The following ADAMTSL1 variants were observed in gnomAD, a reference collection of about 807,000 sequenced individuals.
The protein encoded by ADAMTSL1 is ADAMTS-like protein 1.
A neutral mutation model predicts 201.8 loss-of-function variants in ADAMTSL1; 126 were observed. The observed-to-expected ratio is 0.62, with a 90% confidence interval of 0.54 to 0.72. ADAMTSL1 has a LOEUF of 0.72. ADAMTSL1 is among the 30% of genes least tolerant of loss of function. The pLI, the probability that ADAMTSL1 is intolerant of heterozygous loss-of-function variation, is 0.00. For missense variants in ADAMTSL1, 2,679 were observed against 2,277.8 expected, an observed-to-expected ratio of 1.18 and a Z score of -3.59; for synonymous variants, 1,121 against 903.4, an observed-to-expected ratio of 1.24 and a Z score of -4.32.
chr9:18,262,508 A>G (rs888494758), intron 2 of ADAMTSL1, among the ~76,000 whole-genome samples: 6 of 152,222 alleles, frequency 3.9e-5, no homozygotes, highest in African/African-American at 1.2e-4. Context: ...TTCAGGGGAT[A>G]GAGTACCACT....
chr9:18,036,920 C>T (rs1821224513), intron 1 of ADAMTSL1, among the ~76,000 whole-genome samples: 1 of 152,180 alleles, frequency 6.6e-6, no homozygotes, highest in Admixed American at 6.5e-5. Context: ...ACCCTACCCT[C>T]ACTATTACAT....
At chr9:17,989,480 A>G (rs772067963) in intron 1 of ADAMTSL1, among the ~76,000 whole-genome samples, 36 of 152,130 alleles carry the variant, frequency 2.4e-4, no homozygotes, top group African/African-American at 7.7e-4. Flanking sequence ...AAAAAAATCA[A>G]TTAGAAAGTC....
At chr9:18,582,995 G>A (rs1336317458) in intron 4 of ADAMTSL1, among the ~76,000 whole-genome samples, 1 of 152,138 alleles carries the variant, frequency 6.6e-6, no homozygotes, top group African/African-American at 2.4e-5. Context: ...TGATTGTGAG[G>A]CTGCCCCAGC....
intron 13 of ADAMTSL1, among the ~76,000 whole-genome samples, chr9:18,700,378 A>C (rs566524187): frequency 6.6e-6 from 1 of 152,144 alleles, no homozygotes; most frequent in African/African-American, 2.4e-5. Flanking sequence ...TTCTCATCTC[A>C]TGTAAAAATG....
intron 1 of ADAMTSL1, among the ~76,000 whole-genome samples, chr9:17,955,917 G>C (rs1462105501): frequency 6.6e-6 from 1 of 152,126 alleles, no homozygotes; most frequent in Admixed American, 6.5e-5. Context: ...TGTGTAATAT[G>C]TTTTGAGCTT....
chr9:18,492,538 C>A (rs533378831), intron 1 of ADAMTSL1, among the ~76,000 whole-genome samples: 1 of 152,138 alleles, frequency 6.6e-6, no homozygotes, highest in Non-Finnish European at 1.5e-5. Context: ...CAAAACAATT[C>A]TTAGGACTGA....
chr9:18,263,229 T>C (rs7860810), intron 2 of ADAMTSL1, among the ~76,000 whole-genome samples: 3 of 152,212 alleles, frequency 2.0e-5, no homozygotes, highest in African/African-American at 7.2e-5. Flanking sequence ...GGAGCAATGA[T>C]GTATTTAGTG....
At chr9:18,596,541 G>A (rs904270223) in intron 4 of ADAMTSL1, among the ~76,000 whole-genome samples, 8 of 152,050 alleles carry the variant, frequency 5.3e-5, no homozygotes, top group Non-Finnish European at 7.4e-5. Context: ...TTACAGGTGC[G>A]CACCACCACA....
At chr9:18,272,999 G>A (rs1832440131) in intron 2 of ADAMTSL1, among the ~76,000 whole-genome samples, 1 of 152,172 alleles carries the variant, frequency 6.6e-6, no homozygotes, top group Admixed American at 6.5e-5. Flanking sequence ...ATAATAAAAT[G>A]TTTTAAGTAA....
chr9:17,997,576 T>G (rs1190614784), intron 1 of ADAMTSL1, among the ~76,000 whole-genome samples: 2 of 152,110 alleles, frequency 1.3e-5, no homozygotes, highest in Non-Finnish European at 1.5e-5. Context: ...TATGTGAAAA[T>G]AAAAATATTT....
chr9:18,193,317 T>C (rs1587278959), intron 2 of ADAMTSL1, among the ~76,000 whole-genome samples: 4 of 152,132 alleles, frequency 2.6e-5, no homozygotes, highest in African/African-American at 7.2e-5. Flanking sequence ...GGAAGAATCA[T>C]ATAGAAATTA....
At chr9:18,330,273 T>C (rs1341304217) in intron 2 of ADAMTSL1, among the ~76,000 whole-genome samples, 1 of 152,110 alleles carries the variant, frequency 6.6e-6, no homozygotes, top group Non-Finnish European at 1.5e-5. Context: ...CATCAGTTGT[T>C]CAGAAATCAC....
intron 15 of ADAMTSL1, among the ~76,000 whole-genome samples, chr9:18,740,593 C>T (rs1381055863): frequency 8.0e-5 from 12 of 150,728 alleles, no homozygotes; most frequent in Non-Finnish European, 1.5e-4. Context: ...TCTCCTGCCT[C>T]GCCCTCCCAG....
At chr9:18,459,751 C>G (rs1296996124) in intron 2 of ADAMTSL1, among the ~76,000 whole-genome samples, 1 of 152,174 alleles carries the variant, frequency 6.6e-6, no homozygotes, top group Non-Finnish European at 1.5e-5. Flanking sequence ...TATTAGGTAA[C>G]TGTAAAAATT....
chr9:18,502,933 TAAA>T (rs1240396647), intron 1 of ADAMTSL1, among the ~76,000 whole-genome samples: 1 of 152,120 alleles, frequency 6.6e-6, no homozygotes, highest in Non-Finnish European at 1.5e-5. Flanking sequence ...TAAATAATGT[TAAA>T]TAATAATAGC....
chr9:18,018,512 G>T (rs759066112), intron 1 of ADAMTSL1, among the ~76,000 whole-genome samples: 38 of 152,056 alleles, frequency 2.5e-4, no homozygotes, highest in Admixed American at 5.3e-4. Flanking sequence ...ATTATAAAAG[G>T]CTGTGGTTTT....
intron 3 of ADAMTSL1, among the ~76,000 whole-genome samples, chr9:18,565,087 A>G (rs1330524051): frequency 6.6e-6 from 1 of 152,234 alleles, no homozygotes; most frequent in Admixed American, 6.5e-5. Flanking sequence ...CTAGCCTGGC[A>G]AACCATTTGT....
chr9:18,244,513 C>G (rs1156725023), intron 2 of ADAMTSL1, among the ~76,000 whole-genome samples: 1 of 151,974 alleles, frequency 6.6e-6, no homozygotes, highest in Non-Finnish European at 1.5e-5. Context: ...AACTCAACTA[C>G]TCTCTCCTTC....
In ADAMTSL1 at chr9:18,099,912, C is replaced by T. The variant is rs549728395; in HGVS notation, c.88-63950C>T. The stretch of plus-strand genomic sequence containing the variant: ...AAGTGCAAGGATTACAGGTGTGAGC[C>T]GCTGCGCCCGGCCCTTTTTCAAAGT... On this transcript the variant is annotated intron_variant, in intron 1 of 29. Transcript: ENST00000680146. Among the ~76,000 whole-genome samples, 49 of 152,200 alleles carry T rather than the reference C, an allele frequency of 3.2e-4. No individual in the cohort carries two copies. The South Asian group carries it at 5.4e-3, about 17-fold the overall frequency.
Sources: gnomAD v4.1 joint callset for allele counts (sites outside exome capture counted in the v4.1 genomes callset) on GRCh38, gnomAD v4.1.1 for gene constraint, MANE v1.5 for transcripts, NCBI Gene and HGNC (gene_info 2026-07-23, HGNC 2026-07-21) for gene names.